FIRRM: variants seen among roughly 807,000 people sequenced by gnomAD.
The protein encoded by FIRRM is FIGNL1-interacting regulator of recombination and mitosis.
At chr1:169,824,111 C>T in the FIRRM span, among the ~76,000 whole-genome samples, 1 of 152,202 alleles carries the variant, frequency 6.6e-6, no homozygotes, top group Non-Finnish European at 1.5e-5. Context: ...CTTCCAACAC[C>T]TTCCCAATTC....
chr1:169,850,385 ATTTT>A, the FIRRM span: 1 of 1,130,050 alleles, frequency 8.8e-7, no homozygotes, highest in African/African-American at 1.6e-5. Flanking sequence ...TCTTTGTCCT[ATTTT>A]TTTTTTTCCG....
At chr1:169,792,017 T>C in the FIRRM span, among the ~76,000 whole-genome samples, 1 of 152,214 alleles carries the variant, frequency 6.6e-6, no homozygotes, top group East Asian at 1.9e-4. Flanking sequence ...AAACCTCAAG[T>C]AGTACAAGTT....
chr1:169,852,603 CTA>C, the FIRRM span: 2 of 607,220 alleles, frequency 3.3e-6, no homozygotes, highest in Non-Finnish European at 5.8e-6. Flanking sequence ...CTCTGAATTG[CTA>C]TGATAAACCA....
At chr1:169,848,998 A>G in the FIRRM span, among the ~76,000 whole-genome samples, 1 of 152,234 alleles carries the variant, frequency 6.6e-6, no homozygotes, top group African/African-American at 2.4e-5. Flanking sequence ...GAACCAAACT[A>G]ATAAATCCCC....
the FIRRM span, among the ~76,000 whole-genome samples, chr1:169,832,839 C>T: frequency 0.011 from 1,681 of 152,226 alleles, 30 homozygotes; most frequent in African/African-American, 0.038. Flanking sequence ...AACTCCTGGG[C>T]TCAAGTGATC....
At chr1:169,792,168 T>C in the FIRRM span, among the ~76,000 whole-genome samples, 9 of 152,232 alleles carry the variant, frequency 5.9e-5, no homozygotes, top group African/African-American at 9.6e-5. Flanking sequence ...AACCTCTTCC[T>C]ATTTACATAA....
chr1:169,804,626 C>T, the FIRRM span, among the ~76,000 whole-genome samples: 1 of 152,108 alleles, frequency 6.6e-6, no homozygotes, highest in South Asian at 2.1e-4. Context: ...TTCTCATATA[C>T]ATATTATAAT....
chr1:169,827,920 T>C, the FIRRM span: 13 of 1,482,122 alleles, frequency 8.8e-6, no homozygotes, highest in Non-Finnish European at 1.1e-5. Flanking sequence ...GAAATTAAGT[T>C]TGTGTGTTTT....
chr1:169,799,568 TTTTG>T, the FIRRM span, among the ~76,000 whole-genome samples: 8 of 152,190 alleles, frequency 5.3e-5, no homozygotes, highest in African/African-American at 1.7e-4. Flanking sequence ...TTTCCTTTGT[TTTTG>T]TTGGAGTCTC....
the FIRRM span, chr1:169,842,617 G>T: frequency 6.6e-7 from 1 of 1,521,080 alleles, no homozygotes; most frequent in South Asian, 1.3e-5. Context: ...AAATTTTCCA[G>T]TGTAGAGTAA....
the FIRRM span, among the ~76,000 whole-genome samples, chr1:169,803,597 T>C: frequency 2.0e-5 from 3 of 152,228 alleles, no homozygotes; most frequent in Non-Finnish European, 4.4e-5. Flanking sequence ...GAAATAGTTA[T>C]GTCATGTTGC....
chr1:169,851,563 G>C, the FIRRM span: 1 of 477,342 alleles, frequency 2.1e-6, no homozygotes, highest in South Asian at 3.0e-5. Flanking sequence ...CAGTTTCTTA[G>C]CTTATACAGT....
the FIRRM span, chr1:169,827,281 A>G: frequency 5.2e-6 from 6 of 1,162,246 alleles, no homozygotes; most frequent in Admixed American, 1.4e-4. Context: ...ATTCTTTTTT[A>G]CAATTAAGAA....
the FIRRM span, among the ~76,000 whole-genome samples, chr1:169,813,180 TG>T: frequency 1.3e-5 from 2 of 152,230 alleles, no homozygotes; most frequent in African/African-American, 2.4e-5. Flanking sequence ...ACTTGGGTGG[TG>T]GAACAACCAA....
At chr1:169,812,577 G>T in the FIRRM span, among the ~76,000 whole-genome samples, 1 of 152,278 alleles carries the variant, frequency 6.6e-6, no homozygotes, top group South Asian at 2.1e-4. Flanking sequence ...AATCGAAAAG[G>T]CTGAGTGTGG....
the FIRRM span, chr1:169,851,989 T>C: frequency 6.2e-7 from 1 of 1,612,834 alleles, no homozygotes; most frequent in Non-Finnish European, 8.5e-7. Flanking sequence ...ATTCTGCCCT[T>C]TTTACTTACT....
At chr1:169,796,225 T>G in the FIRRM span, among the ~76,000 whole-genome samples, 1 of 152,126 alleles carries the variant, frequency 6.6e-6, no homozygotes, top group Non-Finnish European at 1.5e-5. Flanking sequence ...TTCAAGGAGT[T>G]TCAACTTGAA....
chr1:169,793,711 A>G, the FIRRM span: 21 of 1,547,630 alleles, frequency 1.4e-5, no homozygotes, highest in Non-Finnish European at 1.8e-5. Flanking sequence ...TATTAAATGC[A>G]CACAATCTTT....
the FIRRM span, among the ~76,000 whole-genome samples, chr1:169,812,335 G>C: frequency 6.6e-6 from 1 of 152,132 alleles, no homozygotes; most frequent in Non-Finnish European, 1.5e-5. Flanking sequence ...CAACAACTTA[G>C]AGTCTAGCCT....
Sources: gnomAD v4.1 joint callset for allele counts (sites outside exome capture counted in the v4.1 genomes callset) on GRCh38, gnomAD v4.1.1 for gene constraint, MANE v1.5 for transcripts, NCBI Gene and HGNC (gene_info 2026-07-23, HGNC 2026-07-21) for gene names.